The following USH2A variants were observed in gnomAD, a reference collection of about 807,000 sequenced individuals.
USH2A encodes usherin.
Under a neutral mutation model 538.9 loss-of-function variants are expected in USH2A, and 443 were observed. That is an observed-to-expected ratio of 0.82 (90% CI 0.76 to 0.89). The LOEUF (loss-of-function observed/expected upper bound fraction) is 0.89, where lower values mean the gene tolerates loss of function less well. USH2A is among the 40% of genes least tolerant of loss of function. The pLI, the probability that USH2A is intolerant of heterozygous loss-of-function variation, is 0.00. For synonymous variants in USH2A, 2,413 were observed against 2,273.5 expected (o/e 1.06, Z -1.75); for missense variants, 6,633 against 6,324.8 (o/e 1.05, Z -1.65).
At chr1:216,000,677 G>A (rs1217299725) in intron 32 of USH2A, 115 bp from the exon 33 acceptor site, 3 of 1,278,444 alleles carry the variant, frequency 2.3e-6, no homozygotes, top group South Asian at 1.2e-5. Context: ...CTTAAAATAT[G>A]AATAAATAGC....
At chr1:216,189,273 A>G (rs1467509762) in intron 20 of USH2A, among the ~76,000 whole-genome samples, 1 of 151,922 alleles carries the variant, frequency 6.6e-6, no homozygotes, top group African/African-American at 2.4e-5. Context: ...AGAACCAGAA[A>G]AAAAACCCTA....
chr1:216,345,267 G>C (rs79581915), intron 4 of USH2A, among the ~76,000 whole-genome samples: 1,932 of 152,162 alleles, frequency 0.013, 38 homozygotes, highest in African/African-American at 0.044. Context: ...GATTAATGAT[G>C]ACAGGGTCCA....
At chr1:216,345,834 T>C (rs184872065) in intron 4 of USH2A, among the ~76,000 whole-genome samples, 9 of 152,162 alleles carry the variant, frequency 5.9e-5, no homozygotes, top group Admixed American at 5.2e-4. Flanking sequence ...GTCTCTACCA[T>C]CCAGAAAACA....
chr1:216,041,636 GT>G (rs1281208940), intron 32 of USH2A, among the ~76,000 whole-genome samples: 2 of 152,006 alleles, frequency 1.3e-5, no homozygotes, highest in Non-Finnish European at 2.9e-5. Flanking sequence ...ATTGTAGAGG[GT>G]AAAACATTTT....
intron 13 of USH2A, among the ~76,000 whole-genome samples, chr1:216,242,518 G>C (rs983711805): frequency 1.3e-5 from 2 of 151,936 alleles, no homozygotes; most frequent in African/African-American, 2.4e-5. Context: ...AGGCACTTAT[G>C]ATCTTAAATG....
At chr1:216,372,515 C>T (rs77608518) in intron 3 of USH2A, among the ~76,000 whole-genome samples, 66 of 152,268 alleles carry the variant, frequency 4.3e-4, no homozygotes, top group African/African-American at 1.5e-3. Flanking sequence ...GCAACCTCCA[C>T]CAAACAAGTC....
chr1:216,089,123 A>G lies in USH2A; in HGVS notation c.4775T>C (p.Val1592Ala), dbSNP rs765469123. 6 of 1,612,994 alleles carry G rather than the reference A, an allele frequency of 3.7e-6. No homozygotes were observed. The highest frequency in any genetic ancestry group is 5.1e-6 in the Non-Finnish European group (6 of 1,179,338). The change falls in exon 23 of 72, where the codon GTA becomes GCA. Residue 1592 changes from valine (V) to alanine (A), a missense_variant. Physicochemically the swap from Val to Ala is moderately conservative, Grantham distance 64. Coordinates refer to ENST00000307340, the MANE Select transcript of USH2A (RefSeq NM_206933.4). ...LFDPQGSPVE[V>A]TTTNDHGKQY... ...TTTGCCATGATCATTAGTTGTAGTT[A>G]CTTCCACTGGTGACCCCTTAAGGGA...
Position 215,671,148 on chromosome 1 carries a change from C to G in USH2A, c.13957G>C (p.Val4653Leu). 2 of 1,614,096 alleles carry G rather than the reference C, an allele frequency of 1.2e-6. No homozygotes were observed. The highest frequency in any genetic ancestry group is 1.7e-6 in the Non-Finnish European group (2 of 1,179,996). Residue 4653 changes from valine (V) to leucine (L), a missense_variant, in exon 64 of 72, where the codon GTT (valine) becomes CTT (leucine). Coordinates refer to ENST00000307340, the MANE Select transcript of USH2A (RefSeq NM_206933.4). The part of the protein sequence containing the change: ...QMAPGGFQPT[V>L]SLLWTGPLQP... ...AGCGGTCCTGTCCACAAAAGAGAAA[C>G]AGTTGGCTGGAATCCTCCTGGAGCC...
intron 59 of USH2A, 57 bp from the exon 60 acceptor site, chr1:215,741,594 A>G: frequency 1.3e-6 from 2 of 1,582,202 alleles, no homozygotes; most frequent in East Asian, 4.5e-5. Flanking sequence ...AAAGAACTAC[A>G]TATTCATACA....
chr1:216,232,697 C>T (rs995484018), intron 13 of USH2A, among the ~76,000 whole-genome samples: 1 of 152,148 alleles, frequency 6.6e-6, no homozygotes. Context: ...TTACCAAGTC[C>T]TATGGATGTT....
chr1:216,196,774 T>C (rs779043589), intron 18 of USH2A, 52 bp from the exon 19 acceptor site: 16 of 1,571,254 alleles, frequency 1.0e-5, no homozygotes, highest in South Asian at 3.4e-5. Context: ...GTCGTCCCTA[T>C]ATATTTTTAA....
At chr1:215,747,389 T>G (rs1363950080) in intron 58 of USH2A, among the ~76,000 whole-genome samples, 2 of 152,204 alleles carry the variant, frequency 1.3e-5, no homozygotes, top group African/African-American at 2.4e-5. Context: ...ATAATAGGCC[T>G]ATTTAAAGGC....
chr1:215,880,649 A>AGAC (rs1664881163), intron 41 of USH2A, among the ~76,000 whole-genome samples: 5 of 152,174 alleles, frequency 3.3e-5, no homozygotes, highest in Non-Finnish European at 5.9e-5. Context: ...AAAATGAGTC[A>AGAC]AGGTCAAACT....
At chr1:216,326,411 T>A (rs2037736034) in intron 5 of USH2A, among the ~76,000 whole-genome samples, 1 of 152,186 alleles carries the variant, frequency 6.6e-6, no homozygotes, top group South Asian at 2.1e-4. Context: ...TTTCCATTCA[T>A]TAAATCACAT....
chr1:215,834,614 TC>T (rs1297498705), intron 47 of USH2A, among the ~76,000 whole-genome samples: 1 of 152,140 alleles, frequency 6.6e-6, no homozygotes, highest in Non-Finnish European at 1.5e-5. Flanking sequence ...TGTCTGTTCT[TC>T]CTGGCAGCTT....
chr1:216,046,531 C>G lies in USH2A; in HGVS notation c.6225G>C (p.Trp2075Cys), dbSNP rs1553294134. Residue 2075 changes from tryptophan to cysteine, a missense_variant, in exon 32 of 72, where the codon TGG becomes TGC. Trp to Cys is a radical substitution (Grantham distance 215, BLOSUM62 -2). Transcript: ENST00000307340. ...TACCATTTGCCTTTTTGGGTGGGTT[C>G]CAGGAGAGCAGCAAAGAACTGGGAA... is the stretch of plus-strand genomic sequence containing the variant. ...KSLPSSLLLS[W>C]NPPKKANGII... 1.2e-6 allele frequency: 2 copies of G among 1,613,756 alleles called. No homozygotes were observed. Among genetic ancestry groups the G allele is most frequent in the Non-Finnish European group, 8.5e-7 (1 of 1,179,814 alleles).
chr1:215,899,593 G>A (rs1280968261), intron 40 of USH2A, among the ~76,000 whole-genome samples: 1 of 152,122 alleles, frequency 6.6e-6, no homozygotes, highest in East Asian at 1.9e-4. Flanking sequence ...ACTGCTATCA[G>A]ATTATACTTC....
chr1:216,414,871 C>T (rs2039550719), intron 3 of USH2A, among the ~76,000 whole-genome samples: 1 of 151,944 alleles, frequency 6.6e-6, no homozygotes. Context: ...CTGTCCTATG[C>T]CCAGCATGAT....
At chr1:216,021,528 A>T (rs1002713049) in intron 32 of USH2A, among the ~76,000 whole-genome samples, 1 of 152,142 alleles carries the variant, frequency 6.6e-6, no homozygotes, top group Non-Finnish European at 1.5e-5. Context: ...GTATGTCTCT[A>T]TTAGCAGCGT....
Sources: gnomAD v4.1 joint callset for allele counts (sites outside exome capture counted in the v4.1 genomes callset) on GRCh38, gnomAD v4.1.1 for gene constraint, MANE v1.5 for transcripts, NCBI Gene and HGNC (gene_info 2026-07-23, HGNC 2026-07-21) for gene names.